PDZRN4: variants seen among roughly 807,000 people sequenced by gnomAD.
PDZRN4 encodes PDZ domain containing ring finger 4.
In PDZRN4, 70 loss-of-function variants were observed where a neutral mutation model predicts 99.0. The observed-to-expected ratio is 0.71, with a 90% CI of 0.58 to 0.86. PDZRN4 has a LOEUF of 0.86. Ranked by LOEUF, PDZRN4 falls within the 40% of genes least tolerant of loss-of-function variation. PDZRN4 has a pLI of 0.00. For missense variants in PDZRN4, 1,474 were observed against 1,331.2 expected (o/e 1.11, Z -1.67); for synonymous variants, 551 against 501.6 (o/e 1.10, Z -1.32).
At chr12:41,241,322 A>G (rs1951100572) in intron 3 of PDZRN4, among the ~76,000 whole-genome samples, 2 of 151,376 alleles carry the variant, frequency 1.3e-5, no homozygotes, top group African/African-American at 2.5e-5. Context: ...ATCTGGAGCT[A>G]TGATATACTG....
intron 3 of PDZRN4, among the ~76,000 whole-genome samples, chr12:41,249,212 G>A (rs984992925): frequency 2.0e-5 from 3 of 152,182 alleles, no homozygotes; most frequent in Non-Finnish European, 4.4e-5. Flanking sequence ...TATGAAAAAA[G>A]TAATGGGTTT....
chr12:41,553,396 T>A (rs1456738693), intron 6 of PDZRN4, among the ~76,000 whole-genome samples: 3 of 152,328 alleles, frequency 2.0e-5, no homozygotes, highest in African/African-American at 7.2e-5. Flanking sequence ...AAAAGCATTA[T>A]TTTATGTGAA....
In PDZRN4 at chr12:41,426,681, G is replaced by C. The variant is rs566381252; in HGVS notation, c.844-79775G>C. Among the ~76,000 whole-genome samples the C allele has an allele frequency of 5.9e-4, 90 of 152,222 alleles. 1 individual carries two copies. The highest frequency in any genetic ancestry group is 2.0e-3 in the African/African-American group (84 of 41,538). On this transcript the variant is annotated intron_variant, in intron 3 of 9. Coordinates refer to ENST00000402685, the MANE Select transcript of PDZRN4 (RefSeq NM_001164595.2). ...GATGTAAAAAACTTTAGATAAAATA[G>C]GTGTTTCTTAAATGTTAGTTTCCTT...
At chr12:41,292,718 T>A (rs998920930) in intron 3 of PDZRN4, among the ~76,000 whole-genome samples, 1 of 152,154 alleles carries the variant, frequency 6.6e-6, no homozygotes, top group African/African-American at 2.4e-5. Context: ...ATGCTGCTAA[T>A]CTGTTGTCTT....
intron 3 of PDZRN4, among the ~76,000 whole-genome samples, chr12:41,302,414 C>T (rs1339035570): frequency 6.6e-6 from 1 of 152,084 alleles, no homozygotes; most frequent in African/African-American, 2.4e-5. Flanking sequence ...AAGGGGTGTA[C>T]ACCCCAGTTT....
chr12:41,321,841 C>T (rs1331057059), intron 3 of PDZRN4, among the ~76,000 whole-genome samples: 2 of 152,104 alleles, frequency 1.3e-5, no homozygotes, highest in Non-Finnish European at 2.9e-5. Context: ...ATTATTATAA[C>T]TTTCTAATTT....
At chr12:41,506,795 A>G (rs1592089335) in intron 4 of PDZRN4, 83 bp downstream of exon 4, 2 of 1,469,412 alleles carry the variant, frequency 1.4e-6, no homozygotes, top group East Asian at 2.3e-5. Flanking sequence ...CAGTTCCACT[A>G]GCAGGTTGAC....
At chr12:41,199,868 G>T (rs79807557) in intron 3 of PDZRN4, among the ~76,000 whole-genome samples, 4,375 of 152,128 alleles carry the variant, frequency 0.029, 160 homozygotes, top group East Asian at 0.16. Context: ...TGGAAGGGTG[G>T]GAGGAGGGAA....
intron 3 of PDZRN4, among the ~76,000 whole-genome samples, chr12:41,218,635 A>C (rs939447770): frequency 6.6e-6 from 1 of 152,118 alleles, no homozygotes; most frequent in African/African-American, 2.4e-5. Flanking sequence ...ACTCTCAAAT[A>C]ATTTGGTTGT....
At chr12:41,299,757 T>C (rs1275666854) in intron 3 of PDZRN4, among the ~76,000 whole-genome samples, 1 of 152,074 alleles carries the variant, frequency 6.6e-6, no homozygotes, top group East Asian at 1.9e-4. Flanking sequence ...TGTATTTGTG[T>C]TTCACAAGAA....
intron 3 of PDZRN4, among the ~76,000 whole-genome samples, chr12:41,260,164 A>T (rs73120947): frequency 0.039 from 5,919 of 152,222 alleles, 400 homozygotes; most frequent in African/African-American, 0.14. Context: ...TCTTTTGGCC[A>T]ATTCTTTGGA....
At chr12:41,532,807 T>C (rs1029822307) in intron 5 of PDZRN4, among the ~76,000 whole-genome samples, 2 of 152,228 alleles carry the variant, frequency 1.3e-5, no homozygotes, top group African/African-American at 4.8e-5. Context: ...TTGTGAGGAC[T>C]AAATGTATTC....
intron 3 of PDZRN4, among the ~76,000 whole-genome samples, chr12:41,333,963 G>T (rs555795907): frequency 2.0e-5 from 3 of 152,060 alleles, no homozygotes; most frequent in Non-Finnish European, 2.9e-5. Context: ...ACAATCCTGG[G>T]CCAAAGCAAA....
At chr12:41,485,662 T>G (rs572111558) in intron 3 of PDZRN4, among the ~76,000 whole-genome samples, 2 of 152,306 alleles carry the variant, frequency 1.3e-5, no homozygotes, top group African/African-American at 4.8e-5. Flanking sequence ...GAATCAGCAT[T>G]TTGGATTTAA....
intron 3 of PDZRN4, among the ~76,000 whole-genome samples, chr12:41,330,836 C>T (rs1461235935): frequency 6.6e-6 from 1 of 152,014 alleles, no homozygotes; most frequent in African/African-American, 2.4e-5. Flanking sequence ...ATATGCATGA[C>T]TTTGTATGCA....
At chr12:41,450,514 TGAA>T (rs765150367) in intron 3 of PDZRN4, among the ~76,000 whole-genome samples, 6 of 152,208 alleles carry the variant, frequency 3.9e-5, no homozygotes, top group Admixed American at 1.3e-4. Context: ...CTGGGGAATC[TGAA>T]GAAGGAGGGA....
At chr12:41,525,545 A>G (rs1197063367) in intron 5 of PDZRN4, among the ~76,000 whole-genome samples, 2 of 152,210 alleles carry the variant, frequency 1.3e-5, no homozygotes, top group Non-Finnish European at 2.9e-5. Flanking sequence ...TATGCCACAT[A>G]TACACATATG....
intron 3 of PDZRN4, among the ~76,000 whole-genome samples, chr12:41,341,460 AC>A (rs1369183708): frequency 6.6e-6 from 1 of 151,844 alleles, no homozygotes; most frequent in Non-Finnish European, 1.5e-5. Context: ...GTATCCTAAA[AC>A]ACTGAAAAAC....
chr12:41,293,967 C>T (rs907401138), intron 3 of PDZRN4, among the ~76,000 whole-genome samples: 1 of 152,154 alleles, frequency 6.6e-6, no homozygotes, highest in African/African-American at 2.4e-5. Flanking sequence ...TCTACAAAGA[C>T]ATGGCATTCA....
Sources: gnomAD v4.1 joint callset for allele counts (sites outside exome capture counted in the v4.1 genomes callset) on GRCh38, gnomAD v4.1.1 for gene constraint, MANE v1.5 for transcripts, NCBI Gene and HGNC (gene_info 2026-07-23, HGNC 2026-07-21) for gene names.